The following RNF19A variants were observed in gnomAD, a reference collection of about 807,000 sequenced individuals.
RNF19A encodes the protein E3 ubiquitin-protein ligase RNF19A.
Under a neutral mutation model 75.7 loss-of-function variants are expected in RNF19A, and 32 were observed. The ratio of observed to expected loss-of-function variants is 0.42; its 90% CI spans 0.32 to 0.57. RNF19A has a LOEUF of 0.57. Ranked by LOEUF, RNF19A falls within the 20% of genes least tolerant of loss-of-function variation. RNF19A has a pLI of 0.10. For missense variants in RNF19A, 782 were observed against 1,036.3 expected (o/e 0.75, Z 3.37); for synonymous variants, 335 against 345.2 (o/e 0.97, Z 0.33).
chr8:100,282,667 G>C (rs778083055), intron 2 of RNF19A, among the ~76,000 whole-genome samples: 1 of 152,144 alleles, frequency 6.6e-6, no homozygotes, highest in Non-Finnish European at 1.5e-5. Context: ...TAAAATCAAA[G>C]TAGGATCTGT....
chr8:100,312,393 C>T (rs1231907904), upstream of RNF19A: 1 of 152,198 alleles, frequency 6.6e-6, no homozygotes, highest in East Asian at 1.9e-4. Context: ...CACTTGAGTC[C>T]AGGAGTTCAA....
rs148483250 is a variant in RNF19A, at chr8:100,273,851, C to T, written c.883+1102G>A. ...AGGCTGGAGGGCAGTGGCACAATCT[C>T]GGCTCACTGCAACCTCTGCCTCCTG... On this transcript the variant is annotated intron_variant, in intron 3 of 9. Coordinates refer to ENST00000341084, the MANE Select transcript of RNF19A (RefSeq NM_183419.4). 2.1e-3 allele frequency among the ~76,000 whole-genome samples: 317 copies of T among 152,230 alleles called. 4 individuals carry two copies. The highest frequency in any genetic ancestry group is 7.2e-3 in the African/African-American group (301 of 41,538).
chr8:100,259,932 C>G lies in RNF19A; in HGVS notation c.1748G>C (p.Ser583Thr), dbSNP rs142104760. 2.2e-5 allele frequency: 35 copies of G among 1,613,940 alleles called. No individual in the cohort carries two copies. The African/African-American group carries it at 3.5e-4, about 16-fold the overall frequency. ...YSLSGESGTV[S>T]LGTVSDNAST... ...GGCATTATCACTAACTGTTCCCAAG[C>G]TGACTGTGCCAGATTCTCCACTTAG... Residue 583 changes from serine to threonine, a missense_variant, in exon 9 of 10, where the codon AGC (serine) becomes ACC (threonine). Ser to Thr is a moderately conservative substitution (Grantham distance 58). Around this residue, in one of 7 missense-constraint regions of RNF19A, gnomAD observed 442 missense variants for 541.6 expected, o/e 0.82. Transcript: ENST00000341084. The surrounding 1 kb of genome is among the most constrained non-coding windows in gnomAD (Gnocchi z 4.5).
intron 1 of RNF19A, among the ~76,000 whole-genome samples, chr8:100,316,800 G>A (rs2130321472): frequency 6.6e-6 from 1 of 152,354 alleles, no homozygotes; most frequent in Non-Finnish European, 1.5e-5. Flanking sequence ...GGTGGTCTGT[G>A]GGATTGGCTG....
intron 1 of RNF19A, among the ~76,000 whole-genome samples, chr8:100,301,367 A>G (rs1821818966): frequency 1.3e-5 from 2 of 152,302 alleles, no homozygotes; most frequent in East Asian, 3.9e-4. Flanking sequence ...TTACCACATT[A>G]TCCTCTTTGT....
rs1232005331 is a variant in RNF19A, at chr8:100,329,224, TCATCTCA to T, written c.-243+6877_-243+6883del. ...CTGACTTGAAACCACAGGTCAAAGC[TCATCTCA>T]CACATGCACATATACATATACACAC... On this transcript the variant is annotated intron_variant, in intron 1 of 3. Transcript: ENST00000519527. This position sits in a 1 kb window ranked among gnomAD's most constrained non-coding sequence, Gnocchi z 4.3. Among the ~76,000 whole-genome samples the T allele has an allele frequency of 6.6e-6, 1 of 152,040 alleles. No individual in the cohort carries two copies. Among genetic ancestry groups the T allele is most frequent in the African/African-American group, 2.4e-5 (1 of 41,390 alleles).
In RNF19A at chr8:100,261,718, GC is replaced by G. The variant is rs1396534830; in HGVS notation, c.1505del (p.Ser502ThrfsTer2). ...GCCCACCAACACTTCCCTCCCCTAT[GC>G]TTGGGTTGTGTCTTGCTTCTGCTAC... ...TSVAEARHNP[S>X]IGEGSVGGLT... On this transcript the variant is annotated frameshift_variant, in exon 8 of 10. Coordinates refer to ENST00000341084, the MANE Select transcript of RNF19A (RefSeq NM_183419.4). LOFTEE classifies it high-confidence loss of function. The surrounding 1 kb of genome is among the most constrained non-coding windows in gnomAD (Gnocchi z 4.4). The G allele has an allele frequency of 6.2e-7, 1 of 1,614,076 alleles. No individual in the cohort carries two copies.
intron 1 of RNF19A, among the ~76,000 whole-genome samples, chr8:100,335,822 G>A (rs1822673886): frequency 6.6e-6 from 1 of 152,222 alleles, no homozygotes; most frequent in Admixed American, 6.5e-5. Context: ...CTGCGGAGGT[G>A]CGGGCCTAGA....
Position 100,321,090 on chromosome 8 carries a change from G to T in RNF19A, c.-242-7718C>A, listed in dbSNP as rs1019806338. ...AGGGTGGTGGTTGCTGAGAGTTAGG[G>T]TAGCTGTGGCGGTTTCTTAAAATAA... On this transcript the variant is annotated intron_variant, in intron 1 of 3. Coordinates refer to the RNF19A transcript ENST00000519527. 7.9e-5 allele frequency among the ~76,000 whole-genome samples: 12 copies of T among 152,182 alleles called. No individual in the cohort carries two copies. In the East Asian group the frequency reaches 2.3e-3, roughly 29 times the overall value.
At chr8:100,266,682 T>C (rs1819996916) in intron 5 of RNF19A, among the ~76,000 whole-genome samples, 1 of 152,062 alleles carries the variant, frequency 6.6e-6, no homozygotes. Flanking sequence ...AGCTGATTAT[T>C]TAGTTTTTTG....
At position 100,330,112 on chromosome 8, in the gene RNF19A, T is replaced by C. The variant is rs1468464957; in HGVS notation, c.-243+5996A>G. On this transcript the variant is annotated intron_variant, in intron 1 of 3. Transcript: ENST00000519527. The surrounding 1 kb of genome is among the most constrained non-coding windows in gnomAD (Gnocchi z 4.1). ...GCTCTTAGAGTTCATAATTATTCTC[T>C]ACCGACGTTTCCATCCAAACACCAT... Among the ~76,000 whole-genome samples, 1 of 152,122 alleles carries C rather than the reference T, an allele frequency of 6.6e-6. No homozygotes were observed. Among genetic ancestry groups the C allele is most frequent in the Admixed American group, 6.5e-5 (1 of 15,268 alleles).
Position 100,317,717 on chromosome 8 carries a change from G to T in RNF19A, c.-242-4345C>A, listed in dbSNP as rs1414470107. On this transcript the variant is annotated intron_variant, in intron 1 of 3. Transcript: ENST00000519527. The surrounding 1 kb of genome is among the most constrained non-coding windows in gnomAD (Gnocchi z 4.3). ...CAAACTCCATGTTTGACAGGATGAGGTTGGCTCACGAGGTCTAGAGTGGCA... is the reference window on the plus strand; with the variant it reads ...CAAACTCCATGTTTGACAGGATGAGTTTGGCTCACGAGGTCTAGAGTGGCA... 3.9e-5 allele frequency among the ~76,000 whole-genome samples: 6 copies of T among 152,222 alleles called. No homozygotes were observed. Among genetic ancestry groups the T allele is most frequent in the Admixed American group, 3.9e-4 (6 of 15,292 alleles).
In RNF19A at chr8:100,323,957, C is replaced by T. The variant is rs1040673296; in HGVS notation, c.-242-10585G>A. ...AGGGAGAAAAATTTATCTGAGGTCT[C>T]GGGGCCAGAGATCTGTATTCAATTT... On this transcript the variant is annotated intron_variant, in intron 1 of 3. Transcript: ENST00000519527. The surrounding 1 kb of genome is among the most constrained non-coding windows in gnomAD (Gnocchi z 4.6). Among the ~76,000 whole-genome samples the T allele has an allele frequency of 2.0e-5, 3 of 152,174 alleles. No individual in the cohort carries two copies. Among genetic ancestry groups the T allele is most frequent in the African/African-American group, 2.4e-5 (1 of 41,530 alleles).
Position 100,287,012 on chromosome 8 carries a change from G to A in RNF19A, c.674+489C>T, listed in dbSNP as rs1488150204. Among the ~76,000 whole-genome samples, 1 of 152,120 alleles carries A rather than the reference G, an allele frequency of 6.6e-6. No homozygotes were observed. The highest frequency in any genetic ancestry group is 2.4e-5 in the African/African-American group (1 of 41,420). ...GAACTTGAGACTAGCAAATGCTTAT[G>A]TATATCAACATGAACACATCATACT... is the stretch of plus-strand genomic sequence containing the variant. On this transcript the variant is annotated intron_variant, in intron 2 of 9. Coordinates refer to ENST00000341084, the MANE Select transcript of RNF19A (RefSeq NM_183419.4). This position sits in a 1 kb window ranked among gnomAD's most constrained non-coding sequence, Gnocchi z 4.1.
chr8:100,261,658 C>G lies in RNF19A; in HGVS notation c.1566G>C (p.Met522Ile). The G allele has an allele frequency of 6.2e-7, 1 of 1,614,122 alleles. No homozygotes were observed. Among genetic ancestry groups the G allele is most frequent in the Non-Finnish European group, 8.5e-7 (1 of 1,180,016 alleles). The change falls in exon 8 of 10, where the codon ATG (methionine) becomes ATC (isoleucine). Residue 522 changes from methionine to isoleucine, a missense_variant. Met to Ile is a conservative substitution (Grantham distance 10). Coordinates refer to ENST00000341084, the MANE Select transcript of RNF19A (RefSeq NM_183419.4). This position sits in a 1 kb window ranked among gnomAD's most constrained non-coding sequence, Gnocchi z 4.4. ...TGSLSASGSH[M>I]DRIGAIRDNL... Reference sequence around the variant, plus strand: ...TGTCTCGGATGGCTCCTATTCGATCCATGTGGCTTCCACTTGCACTCAAAC... The same window carrying G: ...TGTCTCGGATGGCTCCTATTCGATCGATGTGGCTTCCACTTGCACTCAAAC...
Position 100,324,236 on chromosome 8 carries a change from G to A in RNF19A, c.-242-10864C>T, listed in dbSNP as rs1421793384. 1.3e-5 allele frequency among the ~76,000 whole-genome samples: 2 copies of A among 152,192 alleles called. No individual in the cohort carries two copies. Among genetic ancestry groups the A allele is most frequent in the African/African-American group, 4.8e-5 (2 of 41,424 alleles). On this transcript the variant is annotated intron_variant, in intron 1 of 3. Coordinates refer to the RNF19A transcript ENST00000519527. This position sits in a 1 kb window ranked among gnomAD's most constrained non-coding sequence, Gnocchi z 4.2. ...TTTAAATGATCTTCTCTGTATTTCA[G>A]TGTTGAATAGAACAGGAATAATTTA...
Position 100,260,082 on chromosome 8 carries a change from C to A in RNF19A, c.1683-85G>T. 1 of 1,186,330 alleles carries A rather than the reference C, an allele frequency of 8.4e-7. No individual in the cohort carries two copies. Among genetic ancestry groups the A allele is most frequent in the Non-Finnish European group, 1.2e-6 (1 of 821,502 alleles). 73.5% of individuals were successfully genotyped at this position (1,186,330 alleles called of 1,614,324 possible). A position where few individuals can be genotyped will look rare whatever the true frequency, so the allele number is the denominator to read the frequency against. ...TATCTTTAAATAATTCAGTTAAGAA[C>A]CCTAGTAACCAGAAGCTATTTTAGG... is the stretch of plus-strand genomic sequence containing the variant. On this transcript the variant is annotated intron_variant, in intron 8 of 9. Transcript: ENST00000341084. This position sits in a 1 kb window ranked among gnomAD's most constrained non-coding sequence, Gnocchi z 4.1.
chr8:100,318,864 G>C (rs922040844), intron 1 of RNF19A, among the ~76,000 whole-genome samples: 1 of 152,200 alleles, frequency 6.6e-6, no homozygotes, highest in African/African-American at 2.4e-5. Context: ...AAGAATGGTG[G>C]TTGGGGGAAT....
chr8:100,288,152 A>G lies in RNF19A; in HGVS notation c.23T>C (p.Phe8Ser), dbSNP rs1418608917. Residue 8 changes from phenylalanine to serine, a missense_variant, in exon 2 of 10, where the codon TTT (phenylalanine) becomes TCT (serine). Physicochemically the swap from Phe to Ser is radical, Grantham distance 155 (BLOSUM62 -2). Coordinates refer to ENST00000341084, the MANE Select transcript of RNF19A (RefSeq NM_183419.4). ...CAGCCCTTCATTATATTTAGAGATA[A>G]AACCTATTTCTTGTTCTTGCATTCA... MQEQEIG[F>S]ISKYNEGLCV... is the part of the protein sequence containing the mutation. The G allele has an allele frequency of 6.2e-7, 1 of 1,606,664 alleles. No homozygotes were observed. The highest frequency in any genetic ancestry group is 2.2e-5 in the East Asian group (1 of 44,778).
Sources: gnomAD v4.1 joint callset for allele counts (sites outside exome capture counted in the v4.1 genomes callset) on GRCh38, gnomAD v4.1.1 for gene constraint, gnomAD v4.1.1 regional missense constraint, Gnocchi (gnomAD v3.1) non-coding constraint, MANE v1.5 for transcripts, NCBI Gene and HGNC (gene_info 2026-07-23, HGNC 2026-07-21) for gene names.